NALCN: variants seen among roughly 807,000 people sequenced by gnomAD.
The protein encoded by NALCN is sodium leak channel NALCN.
A neutral mutation model predicts 225.3 loss-of-function variants in NALCN; 111 were observed. The observed-to-expected ratio is 0.49, with a 90% CI of 0.42 to 0.58. The LOEUF (loss-of-function observed/expected upper bound fraction) is 0.58. Among genes scored for constraint, NALCN ranks in the 20% least tolerant of loss-of-function variants. The pLI is 0.00. For missense variants in NALCN, 1,378 were observed against 2,202.4 expected (o/e 0.63, Z 7.49); for synonymous variants, 764 against 769.0 (o/e 0.99, Z 0.11).
intron 7 of NALCN, among the ~76,000 whole-genome samples, chr13:101,306,150 G>C (rs760148149): frequency 6.6e-6 from 1 of 152,136 alleles, no homozygotes; most frequent in Non-Finnish European, 1.5e-5. Context: ...AGGCCAGTTG[G>C]TGACCCACAC....
intron 7 of NALCN, among the ~76,000 whole-genome samples, chr13:101,337,155 A>G (rs1296655259): frequency 6.6e-6 from 1 of 152,130 alleles, no homozygotes; most frequent in African/African-American, 2.4e-5. Context: ...AACATATATT[A>G]TGCACCAACT....
chr13:101,066,050 T>G (rs576743907), intron 39 of NALCN, among the ~76,000 whole-genome samples: 70 of 152,234 alleles, frequency 4.6e-4, no homozygotes, highest in African/African-American at 1.6e-3. Context: ...AAAAGATAAC[T>G]CGTGTTGGAT....
chr13:101,185,175 G>T (rs769864228), intron 14 of NALCN, among the ~76,000 whole-genome samples: 1 of 152,136 alleles, frequency 6.6e-6, no homozygotes, highest in South Asian at 2.1e-4. Flanking sequence ...TGTAATCAGC[G>T]CAGTGTAAAA....
At chr13:101,080,469 TTAA>T (rs1594160413) in intron 34 of NALCN, among the ~76,000 whole-genome samples, 1 of 148,746 alleles carries the variant, frequency 6.7e-6, no homozygotes, top group South Asian at 2.1e-4. Context: ...TATTAAATTG[TTAA>T]TAATTAAATT....
chr13:101,399,972 G>T (rs2139510898), intron 1 of NALCN, among the ~76,000 whole-genome samples: 1 of 152,280 alleles, frequency 6.6e-6, no homozygotes, highest in South Asian at 2.1e-4. Context: ...AATGTGAGAA[G>T]AATTGTTATA....
intron 3 of NALCN, among the ~76,000 whole-genome samples, chr13:101,394,929 C>A (rs1186364714): frequency 1.3e-5 from 2 of 152,208 alleles, no homozygotes; most frequent in African/African-American, 4.8e-5. Context: ...TTCACACAGT[C>A]ATTAGTCAAA....
At position 101,090,093 on chromosome 13, in the gene NALCN, TACAC is replaced by T. The variant is rs752055365; in HGVS notation, c.3270-131_3270-128del. 12 of 1,330,008 alleles carry T rather than the reference TACAC, an allele frequency of 9.0e-6. No homozygotes were observed. In the African/African-American group the frequency reaches 1.3e-4, roughly 15 times the overall value. The allele number at this position is 1,330,008 out of a possible 1,614,324, so 82.4% of individuals were successfully genotyped here. A position where few individuals can be genotyped will look rare whatever the true frequency, so the allele number is the denominator to read the frequency against. ...GTGTGTGTATATACACACACATATA[TACAC>T]ACACACGTGTGCGTGCACACACACA... On this transcript the variant is annotated intron_variant, in intron 28 of 43. Coordinates refer to ENST00000251127, the MANE Select transcript of NALCN (RefSeq NM_052867.4).
At chr13:101,174,702 C>T (rs1258550290) in intron 15 of NALCN, among the ~76,000 whole-genome samples, 1 of 151,990 alleles carries the variant, frequency 6.6e-6, no homozygotes, top group African/African-American at 2.4e-5. Context: ...TGTTGCTTTC[C>T]AGCAGAAAAA....
Position 101,343,702 on chromosome 13 carries a change from G to A in NALCN, c.799+1564C>T, listed in dbSNP as rs571805058. The stretch of plus-strand genomic sequence containing the variant: ...TTTAGTAGGGGGCGACTGCCTCCAA[G>A]GCAATTTCCTCCTAGAACTGGTCCT... On this transcript the variant is annotated intron_variant, in intron 7 of 43. Transcript: ENST00000251127. 3.3e-4 allele frequency among the ~76,000 whole-genome samples: 51 copies of A among 152,292 alleles called. 1 individual carries two copies. In the East Asian group the frequency reaches 7.5e-3, roughly 22 times the overall value.
At chr13:101,340,829 C>T (rs941103394) in intron 7 of NALCN, among the ~76,000 whole-genome samples, 4 of 151,046 alleles carry the variant, frequency 2.6e-5, no homozygotes, top group Non-Finnish European at 5.9e-5. Flanking sequence ...CTTTTGAGAA[C>T]TATTATCAAG....
intron 14 of NALCN, among the ~76,000 whole-genome samples, chr13:101,179,164 A>T (rs1428524755): frequency 6.6e-6 from 1 of 152,204 alleles, no homozygotes; most frequent in Admixed American, 6.5e-5. Context: ...GCAGACATAG[A>T]AGAGAGCACT....
intron 13 of NALCN, among the ~76,000 whole-genome samples, chr13:101,205,204 T>TC (rs1365533305): frequency 6.6e-6 from 1 of 152,106 alleles, no homozygotes; most frequent in Non-Finnish European, 1.5e-5. Context: ...TTAATCCTCT[T>TC]TTTTCCAGCA....
chr13:101,255,274 T>G (rs149701482), intron 11 of NALCN, among the ~76,000 whole-genome samples: 1 of 152,328 alleles, frequency 6.6e-6, no homozygotes, highest in African/African-American at 2.4e-5. Context: ...TTTGTTGGAA[T>G]TTCTTAAGGT....
At chr13:101,131,703 T>G (rs2139732548) in intron 17 of NALCN, among the ~76,000 whole-genome samples, 1 of 152,324 alleles carries the variant, frequency 6.6e-6, no homozygotes, top group East Asian at 1.9e-4. Flanking sequence ...ACTAATATCA[T>G]GCAAATCATG....
At chr13:101,356,566 A>T (rs1479459364) in intron 6 of NALCN, among the ~76,000 whole-genome samples, 1 of 152,208 alleles carries the variant, frequency 6.6e-6, no homozygotes, top group Non-Finnish European at 1.5e-5. Flanking sequence ...AAAAAAGCCC[A>T]GGACCAGACA....
intron 7 of NALCN, among the ~76,000 whole-genome samples, chr13:101,319,030 A>C (rs974734862): frequency 1.3e-4 from 20 of 152,208 alleles, no homozygotes; most frequent in African/African-American, 4.8e-4. Context: ...ACTAGAAATA[A>C]TAAACTGGGT....
rs141403819 is a variant in NALCN, at chr13:101,256,260, C to T, written c.1266+2183G>A. On this transcript the variant is annotated intron_variant, in intron 11 of 43. Coordinates refer to ENST00000251127, the MANE Select transcript of NALCN (RefSeq NM_052867.4). ...ATTATTCCATCACTTTGGTGGTACC[C>T]GTCCTTTAACCATATAGAGACCATT... Among the ~76,000 whole-genome samples the T allele has an allele frequency of 7.5e-3, 1,140 of 152,196 alleles. 10 individuals are homozygous for T. Among genetic ancestry groups the T allele is most frequent in the South Asian group, 0.028 (134 of 4,826 alleles).
chr13:101,100,891 G>A lies in NALCN; in HGVS notation c.3058-3C>T, dbSNP rs769195355. ...AATGTCAGCAAAAGAATGGAGACCT[G>A]AAAGAAATTGATGAAATGTTAAATC... On this transcript the variant is annotated splice_region_variant and splice_polypyrimidine_tract_variant and intron_variant, in intron 26 of 43. Transcript: ENST00000251127. 16 of 1,599,958 alleles carry A rather than the reference G, an allele frequency of 1.0e-5. 1 individual carries two copies. The Middle Eastern group carries it at 6.7e-4, about 67-fold the overall frequency.
intron 18 of NALCN, among the ~76,000 whole-genome samples, chr13:101,119,302 G>A (rs1056702207): frequency 1.3e-5 from 2 of 152,010 alleles, no homozygotes; most frequent in African/African-American, 2.4e-5. Flanking sequence ...TATTAAATCC[G>A]TTTAATTTTT....
Sources: allele counts gnomAD v4.1 joint callset (sites outside exome capture counted in the v4.1 genomes callset), GRCh38; gene constraint gnomAD v4.1.1; transcripts MANE v1.5; gene names NCBI Gene and HGNC (gene_info 2026-07-23, HGNC 2026-07-21).